RALYL: variants seen among roughly 807,000 people sequenced by gnomAD.
RALYL encodes RALY RNA binding protein like.
In RALYL, 29 loss-of-function variants were observed where a neutral mutation model predicts 35.1. The ratio of observed to expected loss-of-function variants is 0.83; its 90% confidence interval spans 0.61 to 1.13. The LOEUF is 1.13. Among genes scored for constraint, RALYL ranks in the 50% most tolerant of loss-of-function variants. RALYL has a pLI of 0.00. For synonymous variants in RALYL, 120 were observed against 127.6 expected, an observed-to-expected ratio of 0.94 and a Z score of 0.40; for missense variants, 359 against 360.4, an observed-to-expected ratio of 1.00 and a Z score of 0.03.
At chr8:84,628,330 C>G (rs960614021) in intron 2 of RALYL, among the ~76,000 whole-genome samples, 1 of 152,056 alleles carries the variant, frequency 6.6e-6, no homozygotes, top group East Asian at 1.9e-4. Flanking sequence ...AGTAACACCT[C>G]CTCAAAAAGG....
At chr8:84,397,461 A>G (rs7823245) in intron 1 of RALYL, among the ~76,000 whole-genome samples, 7,318 of 152,210 alleles carry the variant, frequency 0.048, 386 homozygotes, top group African/African-American at 0.13. Flanking sequence ...CCCTGCAGAG[A>G]TGATTAGCTA....
chr8:84,412,798 T>C (rs1194795654), intron 1 of RALYL, among the ~76,000 whole-genome samples: 2 of 151,956 alleles, frequency 1.3e-5, no homozygotes, highest in Non-Finnish European at 2.9e-5. Context: ...TACGATCCTC[T>C]AACAGTTAAT....
intron 2 of RALYL, among the ~76,000 whole-genome samples, chr8:84,537,491 A>T (rs1048421393): frequency 6.6e-6 from 1 of 151,334 alleles, no homozygotes; most frequent in Non-Finnish European, 1.5e-5. Context: ...AAAAAAAAAA[A>T]GTCTGTTCAC....
intron 2 of RALYL, among the ~76,000 whole-genome samples, chr8:84,652,003 T>C (rs1828939242): frequency 1.3e-5 from 2 of 152,098 alleles, no homozygotes; most frequent in South Asian, 4.1e-4. Flanking sequence ...CTCACATTTT[T>C]ATTTGACATG....
At chr8:84,901,407 A>G (rs1845666832) in intron 8 of RALYL, among the ~76,000 whole-genome samples, 1 of 152,160 alleles carries the variant, frequency 6.6e-6, no homozygotes, top group Non-Finnish European at 1.5e-5. Flanking sequence ...CTCTTAAGAG[A>G]TCTCAGAGGT....
chr8:84,353,123 A>G (rs570271358), intron 1 of RALYL, among the ~76,000 whole-genome samples: 1 of 150,234 alleles, frequency 6.7e-6, no homozygotes, highest in South Asian at 2.1e-4. Flanking sequence ...TCATATTAAC[A>G]TATACATACA....
At chr8:84,449,310 C>A (rs1397487248) in intron 1 of RALYL, among the ~76,000 whole-genome samples, 2 of 151,898 alleles carry the variant, frequency 1.3e-5, no homozygotes, top group Non-Finnish European at 2.9e-5. Flanking sequence ...AAGCACTTAG[C>A]ACCCACTACA....
intron 8 of RALYL, among the ~76,000 whole-genome samples, chr8:84,895,940 T>G (rs1844672511): frequency 2.0e-5 from 3 of 152,204 alleles, no homozygotes; most frequent in Admixed American, 6.5e-5. Flanking sequence ...TCTACTGGCT[T>G]TATATCAGCC....
chr8:84,824,166 AC>A (rs1171112185), intron 4 of RALYL, among the ~76,000 whole-genome samples: 2 of 152,206 alleles, frequency 1.3e-5, no homozygotes, highest in Non-Finnish European at 2.9e-5. Flanking sequence ...GTTTCAGCCT[AC>A]AAAATCAGTG....
intron 6 of RALYL, among the ~76,000 whole-genome samples, chr8:84,866,882 T>TA (rs1483108142): frequency 6.6e-6 from 1 of 152,132 alleles, no homozygotes; most frequent in Non-Finnish European, 1.5e-5. Context: ...AGGGCCAAGA[T>TA]AAAAAAATTC....
chr8:84,568,590 G>A (rs2061963093), intron 2 of RALYL, among the ~76,000 whole-genome samples: 1 of 141,112 alleles, frequency 7.1e-6, no homozygotes, highest in Non-Finnish European at 1.5e-5. Context: ...TGGGTCAAAT[G>A]GTATTTCTAG....
rs1829093727 is a variant in RALYL, at chr8:84,652,685, A to G, written c.257-121894A>G. 2.0e-5 allele frequency among the ~76,000 whole-genome samples: 3 copies of G among 152,100 alleles called. No individual in the cohort carries two copies. In the East Asian group the frequency reaches 5.8e-4, roughly 29 times the overall value. On this transcript the variant is annotated intron_variant, in intron 2 of 8. Coordinates refer to ENST00000521268, the MANE Select transcript of RALYL (RefSeq NM_173848.7). Reference sequence around the variant, plus strand: ...CAGGCTGTATAATATGTTTAAGTCCATAAAGGGAGTAAGAGGTAAGGCTAT... The same window carrying G: ...CAGGCTGTATAATATGTTTAAGTCCGTAAAGGGAGTAAGAGGTAAGGCTAT...
chr8:84,686,828 A>C (rs528026524), intron 2 of RALYL, among the ~76,000 whole-genome samples: 1 of 152,302 alleles, frequency 6.6e-6, no homozygotes, highest in South Asian at 2.1e-4. Context: ...CGGGAAAAAT[A>C]ATTTGACTTC....
At position 84,730,762 on chromosome 8, in the gene RALYL, C is replaced by G. The variant is rs374099184; in HGVS notation, c.257-43817C>G. ...TCGTAATTTGGGGACATTAATCTAA[C>G]AGCAGCATGTCACATGATTTGAAAG... On this transcript the variant is annotated intron_variant, in intron 2 of 8. Coordinates refer to ENST00000521268, the MANE Select transcript of RALYL (RefSeq NM_173848.7). 4.6e-5 allele frequency among the ~76,000 whole-genome samples: 7 copies of G among 152,168 alleles called. No individual in the cohort carries two copies. The East Asian group carries it at 1.4e-3, about 29-fold the overall frequency.
rs74599380 is a variant in RALYL, at chr8:84,308,277, G to A, written c.-24+123853G>A. Among the ~76,000 whole-genome samples the A allele has an allele frequency of 3.9e-4, 60 of 152,208 alleles. 2 individuals are homozygous for A. In the East Asian group the frequency reaches 0.01, roughly 26 times the overall value. ...CCATCTTGACAAAAATTTAAAGATC[G>A]TATGCCTCTGTGAAGCACATACCAG... On this transcript the variant is annotated intron_variant, in intron 1 of 8. Transcript: ENST00000521268.
intron 8 of RALYL, among the ~76,000 whole-genome samples, chr8:84,910,761 TG>T (rs1250692588): frequency 6.6e-6 from 1 of 151,900 alleles, no homozygotes; most frequent in African/African-American, 2.4e-5. Context: ...AAATATCATC[TG>T]TTTTTTTAAA....
At chr8:84,898,911 C>A (rs1394379288) in intron 8 of RALYL, among the ~76,000 whole-genome samples, 4 of 152,302 alleles carry the variant, frequency 2.6e-5, no homozygotes, top group Admixed American at 2.6e-4. Context: ...GTGCTGCTAC[C>A]ACTTTTTAAA....
At chr8:84,486,538 C>G (rs1310767358) in intron 1 of RALYL, among the ~76,000 whole-genome samples, 1 of 151,708 alleles carries the variant, frequency 6.6e-6, no homozygotes, top group African/African-American at 2.4e-5. Context: ...GTTGATCTGT[C>G]TATGCTCATA....
intron 2 of RALYL, among the ~76,000 whole-genome samples, chr8:84,587,654 T>A (rs2136071337): frequency 6.6e-6 from 1 of 152,344 alleles, no homozygotes; most frequent in Admixed American, 6.5e-5. Flanking sequence ...TACTACAATA[T>A]GCATAGCATA....
Sources: gnomAD v4.1 joint callset for allele counts (sites outside exome capture counted in the v4.1 genomes callset) on GRCh38, gnomAD v4.1.1 for gene constraint, MANE v1.5 for transcripts, NCBI Gene and HGNC (gene_info 2026-07-23, HGNC 2026-07-21) for gene names.